The following PDZD9 variants were observed in gnomAD, a reference collection of about 807,000 sequenced individuals.
The protein encoded by PDZD9 is PDZ domain containing 9.
A neutral mutation model predicts 16.3 loss-of-function variants in PDZD9; 13 were observed. The ratio of observed to expected loss-of-function variants is 0.80; its 90% CI spans 0.52 to 1.27. The LOEUF (loss-of-function observed/expected upper bound fraction) is 1.27. Ranked by LOEUF, PDZD9 falls within the 50% of genes most tolerant of loss-of-function variation. The probability of loss-of-function intolerance (pLI) is 0.00; values close to 1 mark genes in which losing one functional copy is unlikely to be tolerated. For missense variants in PDZD9, 288 were observed against 310.9 expected (o/e 0.93, Z 0.55); for synonymous variants, 120 against 111.0 (o/e 1.08, Z -0.51).
the PDZD9 span, chr16:21,971,614 C>T: frequency 3.7e-6 from 6 of 1,613,804 alleles, no homozygotes; most frequent in South Asian, 1.1e-5. Context: ...GGCCAACTAC[C>T]GTGGAGGTAA....
chr16:21,995,259 C>T (rs1359526369), intron 2 of PDZD9: 1 of 457,392 alleles, frequency 2.2e-6, no homozygotes, highest in African/African-American at 2.0e-5. Flanking sequence ...TCACCTTCTG[C>T]CATGATTGTA....
At chr16:21,975,555 A>G in the PDZD9 span, among the ~76,000 whole-genome samples, 1 of 152,136 alleles carries the variant, frequency 6.6e-6, no homozygotes, top group Non-Finnish European at 1.5e-5. Flanking sequence ...TATTCAACAA[A>G]TATTTACCAA....
the PDZD9 span, chr16:21,976,881 C>G: frequency 6.6e-6 from 1 of 152,114 alleles, no homozygotes; most frequent in Non-Finnish European, 1.5e-5. Flanking sequence ...AAAATTTAAA[C>G]AATATTCATT....
At chr16:21,971,509 G>C in the PDZD9 span, 1 of 1,585,982 alleles carries the variant, frequency 6.3e-7, no homozygotes, top group South Asian at 1.1e-5. Context: ...CTTTGTTTTT[G>C]CTTCTGTTGA....
chr16:21,972,983 C>G, the PDZD9 span, among the ~76,000 whole-genome samples: 2 of 152,154 alleles, frequency 1.3e-5, no homozygotes, highest in Non-Finnish European at 2.9e-5. Context: ...GCCTGTAGTC[C>G]CAGCTACTTG....
At chr16:21,970,992 C>T in the PDZD9 span, among the ~76,000 whole-genome samples, 2 of 152,040 alleles carry the variant, frequency 1.3e-5, no homozygotes. Context: ...AAGCTGTTAG[C>T]AGATATATTA....
rs187907876 is a variant in PDZD9 at position 21,998,410 on chromosome 16, A to T, written c.32-1909T>A. 3.2e-4 allele frequency: 57 copies of T among 176,610 alleles called. No individual in the cohort carries two copies. The East Asian group carries it at 7.4e-3, about 23-fold the overall frequency. 10.9% of individuals were successfully genotyped at this position (176,610 alleles called of 1,614,324 possible). Reference sequence around the variant, plus strand: ...ACATCTTGAAAAAAAAACAAAAAAAACTTTGTGCAAGGCACGGTAGCTCAC... The same window carrying T: ...ACATCTTGAAAAAAAAACAAAAAAATCTTTGTGCAAGGCACGGTAGCTCAC... On this transcript the variant is annotated intron_variant, in intron 1 of 3. Transcript: ENST00000424898.
chr16:21,974,920 G>A, the PDZD9 span, among the ~76,000 whole-genome samples: 4 of 152,172 alleles, frequency 2.6e-5, no homozygotes, highest in Non-Finnish European at 5.9e-5. Flanking sequence ...TTTGACAGAC[G>A]TGAGAGGAAA....
At chr16:21,967,148 C>T in the PDZD9 span, among the ~76,000 whole-genome samples, 1 of 151,930 alleles carries the variant, frequency 6.6e-6, no homozygotes, top group African/African-American at 2.4e-5. Flanking sequence ...AAGAAATTGG[C>T]GCTAGAATAC....
chr16:21,971,699 C>T, the PDZD9 span: 7 of 1,449,360 alleles, frequency 4.8e-6, no homozygotes, highest in Non-Finnish European at 6.7e-6. Context: ...GTGGAATAGG[C>T]CTGAATATTT....
chr16:22,000,971 G>A, intron 1 of PDZD9, 46 bp downstream of exon 1: 1 of 1,523,398 alleles, frequency 6.6e-7, no homozygotes, highest in East Asian at 2.5e-5. Context: ...ATTGACGAAG[G>A]CTTGGTCCCC....
At chr16:21,976,198 C>T in the PDZD9 span, 1 of 1,614,000 alleles carries the variant, frequency 6.2e-7, no homozygotes, top group Non-Finnish European at 8.5e-7. Context: ...CAAGTAAAAA[C>T]AATAGCTCAA....
At chr16:21,961,347 CAG>C in the PDZD9 span, 7 of 446,904 alleles carry the variant, frequency 1.6e-5, no homozygotes, top group African/African-American at 6.0e-5. Flanking sequence ...TAAAGTATGA[CAG>C]AGTCATGATG....
chr16:21,971,809 C>T, the PDZD9 span: 3 of 1,470,464 alleles, frequency 2.0e-6, no homozygotes, highest in Admixed American at 3.6e-5. Flanking sequence ...GGGGAAAGCA[C>T]CGAGCTGCAG....
the PDZD9 span, among the ~76,000 whole-genome samples, chr16:21,970,896 A>G: frequency 6.6e-6 from 1 of 151,942 alleles, no homozygotes; most frequent in African/African-American, 2.4e-5. Flanking sequence ...AACTTTGGAG[A>G]AATGTCTATT....
the PDZD9 span, among the ~76,000 whole-genome samples, chr16:21,960,269 T>G: frequency 6.6e-6 from 1 of 152,226 alleles, no homozygotes; most frequent in African/African-American, 2.4e-5. Flanking sequence ...ATATTAGCAT[T>G]TGCTGCTTCA....
At chr16:21,969,528 T>C in the PDZD9 span, among the ~76,000 whole-genome samples, 1 of 152,090 alleles carries the variant, frequency 6.6e-6, no homozygotes, top group African/African-American at 2.4e-5. Context: ...TGAGACTCTG[T>C]CTCAAAAAAA....
intron 2 of PDZD9, among the ~76,000 whole-genome samples, chr16:21,992,515 A>G (rs1242324205): frequency 6.6e-6 from 1 of 152,184 alleles, no homozygotes; most frequent in African/African-American, 2.4e-5. Flanking sequence ...GGTAGGCACC[A>G]TCCAATCAGC....
intron 2 of PDZD9, among the ~76,000 whole-genome samples, chr16:21,991,014 T>C (rs893538043): frequency 3.9e-5 from 6 of 152,088 alleles, no homozygotes; most frequent in Non-Finnish European, 5.9e-5. Flanking sequence ...TAAATCAACT[T>C]TGCAGCAGCC....
Sources: gnomAD v4.1 joint callset for allele counts (sites outside exome capture counted in the v4.1 genomes callset) on GRCh38, gnomAD v4.1.1 for gene constraint, MANE v1.5 for transcripts, NCBI Gene and HGNC (gene_info 2026-07-23, HGNC 2026-07-21) for gene names.